Variants in POFUT3 observed in about 807,000 individuals in gnomAD.
The protein encoded by POFUT3 is protein O-fucosyltransferase 3, also known as GDP-fucose protein O-fucosyltransferase 3.
At chr8:33,414,133 A>C in the POFUT3 span, among the ~76,000 whole-genome samples, 1 of 152,214 alleles carries the variant, frequency 6.6e-6, no homozygotes. Context: ...CTGTAGGAAT[A>C]TCATTGAATA....
chr8:33,423,876 C>T, the POFUT3 span, among the ~76,000 whole-genome samples: 22 of 146,354 alleles, frequency 1.5e-4, no homozygotes, highest in Admixed American at 9.7e-4. Flanking sequence ...CGGTGGCTCA[C>T]GCCTGTAATC....
At chr8:33,457,226 T>G in the POFUT3 span, among the ~76,000 whole-genome samples, 1 of 152,098 alleles carries the variant, frequency 6.6e-6, no homozygotes, top group South Asian at 2.1e-4. Context: ...GGTGGGTGGA[T>G]CACCTGAGGT....
At chr8:33,357,465 C>A in the POFUT3 span, among the ~76,000 whole-genome samples, 1 of 151,416 alleles carries the variant, frequency 6.6e-6, no homozygotes, top group African/African-American at 2.4e-5. Flanking sequence ...ATTAGAAGAC[C>A]CCATTCTCTA....
chr8:33,365,917 A>G, the POFUT3 span, among the ~76,000 whole-genome samples: 1 of 152,230 alleles, frequency 6.6e-6, no homozygotes, highest in Non-Finnish European at 1.5e-5. Context: ...TATACACCCA[A>G]AGGATTATAA....
At chr8:33,394,672 TA>T in the POFUT3 span, among the ~76,000 whole-genome samples, 2,815 of 139,418 alleles carry the variant, frequency 0.02, 73 homozygotes, top group African/African-American at 0.063. Flanking sequence ...TCTTAAAAAT[TA>T]AAAAAAAAAA....
At chr8:33,436,497 T>C in the POFUT3 span, 2 of 1,287,196 alleles carry the variant, frequency 1.6e-6, no homozygotes, top group Non-Finnish European at 2.3e-6. Context: ...TCGTGCTGGC[T>C]TCCACACTGA....
chr8:33,318,470 A>C, the POFUT3 span, among the ~76,000 whole-genome samples: 1 of 133,816 alleles, frequency 7.5e-6, no homozygotes, highest in Non-Finnish European at 1.5e-5. Flanking sequence ...ATTCTATTAT[A>C]TTATTATAAT....
At chr8:33,309,700 G>T in the POFUT3 span, among the ~76,000 whole-genome samples, 24 of 152,090 alleles carry the variant, frequency 1.6e-4, no homozygotes, top group African/African-American at 5.3e-4. Flanking sequence ...TCAGTACTCA[G>T]TAAAAATAAA....
At chr8:33,364,876 C>A in the POFUT3 span, among the ~76,000 whole-genome samples, 1 of 152,164 alleles carries the variant, frequency 6.6e-6, no homozygotes, top group Admixed American at 6.5e-5. Context: ...ATCAAGCTAC[C>A]AATGACTTTC....
chr8:33,404,337 C>CAAA, the POFUT3 span, among the ~76,000 whole-genome samples: 1 of 110,970 alleles, frequency 9.0e-6, no homozygotes, highest in African/African-American at 3.4e-5. Context: ...GGCTCTGTCT[C>CAAA]AAAAAAAAAA....
chr8:33,416,988 G>C, the POFUT3 span, among the ~76,000 whole-genome samples: 1 of 152,158 alleles, frequency 6.6e-6, no homozygotes, highest in Non-Finnish European at 1.5e-5. Context: ...GTATCCATCC[G>C]TAGCCTGTTA....
At chr8:33,374,046 G>A in the POFUT3 span, among the ~76,000 whole-genome samples, 1 of 152,200 alleles carries the variant, frequency 6.6e-6, no homozygotes, top group African/African-American at 2.4e-5. Flanking sequence ...GGGCTGCAGA[G>A]CAGGAGGTGA....
chr8:33,316,579 AG>A, the POFUT3 span, among the ~76,000 whole-genome samples: 707 of 70,304 alleles, frequency 0.01, 5 homozygotes, highest in African/African-American at 0.029. Context: ...AAAAAAAGAA[AG>A]AAAGAAAGAA....
chr8:33,364,216 C>G, the POFUT3 span, among the ~76,000 whole-genome samples: 1 of 152,132 alleles, frequency 6.6e-6, no homozygotes, highest in South Asian at 2.1e-4. Context: ...TGACAAAATT[C>G]AACAGCCCTT....
At chr8:33,449,933 T>TCC in the POFUT3 span, among the ~76,000 whole-genome samples, 2 of 117,904 alleles carry the variant, frequency 1.7e-5, no homozygotes, top group Admixed American at 1.8e-4. Context: ...TATGAAGCTT[T>TCC]TCTTTTTTTT....
chr8:33,310,889 T>C, the POFUT3 span, among the ~76,000 whole-genome samples: 65,868 of 152,104 alleles, frequency 0.43, 16,104 homozygotes, highest in East Asian at 0.8. Context: ...TATTTATTTG[T>C]AAATTTATTT....
chr8:33,416,578 G>A, the POFUT3 span, among the ~76,000 whole-genome samples: 1 of 152,032 alleles, frequency 6.6e-6, no homozygotes, highest in African/African-American at 2.4e-5. Flanking sequence ...AGGTGTGGGG[G>A]TGCATGATTG....
the POFUT3 span, among the ~76,000 whole-genome samples, chr8:33,318,113 A>G: frequency 6.6e-6 from 1 of 152,094 alleles, no homozygotes; most frequent in Admixed American, 6.6e-5. Flanking sequence ...ATAGCCTGTT[A>G]TCTATGCATT....
chr8:33,389,008 A>G, the POFUT3 span: 1 of 1,614,050 alleles, frequency 6.2e-7, no homozygotes, highest in Non-Finnish European at 8.5e-7. Context: ...TGCACACCAT[A>G]CACTCAAATG....
Sources: allele counts gnomAD v4.1 joint callset (sites outside exome capture counted in the v4.1 genomes callset), GRCh38; gene constraint gnomAD v4.1.1; transcripts MANE v1.5; gene names NCBI Gene and HGNC (gene_info 2026-07-23, HGNC 2026-07-21).